IGFN1: variants seen among roughly 807,000 people sequenced by gnomAD.
The protein encoded by IGFN1 is immunoglobulin like and fibronectin type III domain containing 1.
In IGFN1, 253 loss-of-function variants were observed where a neutral mutation model predicts 289.5. That is an observed-to-expected ratio of 0.87 (90% CI 0.79 to 0.97). The LOEUF (loss-of-function observed/expected upper bound fraction) is 0.97, where lower values mean the gene tolerates loss of function less well. IGFN1 is among the 50% of genes least tolerant of loss of function. IGFN1 has a pLI of 0.00. For missense variants in IGFN1, 4,470 were observed against 4,686.1 expected, an observed-to-expected ratio of 0.95 and a Z score of 1.35; for synonymous variants, 1,706 against 1,788.5, an observed-to-expected ratio of 0.95 and a Z score of 1.16.
At chr1:201,221,207 G>A (rs1653699288) in intron 18 of IGFN1, among the ~76,000 whole-genome samples, 1 of 152,210 alleles carries the variant, frequency 6.6e-6, no homozygotes, top group South Asian at 2.1e-4. Flanking sequence ...TGAATGAGGG[G>A]AATGAGTTGA....
chr1:201,223,970 G>A (rs1161369339), intron 20 of IGFN1, among the ~76,000 whole-genome samples: 1 of 152,168 alleles, frequency 6.6e-6, no homozygotes, highest in African/African-American at 2.4e-5. Context: ...TAGTTACCAT[G>A]TCCTAGGCCT....
intron 1 of IGFN1, among the ~76,000 whole-genome samples, chr1:201,191,998 G>T (rs1044352876): frequency 6.3e-5 from 9 of 142,096 alleles, no homozygotes; most frequent in Non-Finnish European, 1.4e-4. Context: ...GGTGGGATGG[G>T]GGCCCTTGCA....
In IGFN1 at chr1:201,207,407, T is replaced by C. The variant is rs966230993; in HGVS notation, c.2514T>C (p.Ser838=). The C allele has an allele frequency of 5.2e-6, 8 of 1,534,418 alleles. No homozygotes were observed. Among genetic ancestry groups the C allele is most frequent in the African/African-American group, 2.7e-5 (2 of 72,840 alleles). Residue 838 remains serine (S), a synonymous_variant, in exon 12 of 24, where the codon AGT becomes AGC. Transcript: ENST00000335211. ...GCAGAATAGAATCTAAGGGCACAAG[T>C]CCTTGGGATGACACACCATCTAGCC... ...GIGRIESKGT[S]PWDDTPSSLR...
rs190015312 is a variant in IGFN1 at position 201,211,267 on chromosome 1, G to C, written c.6374G>C (p.Arg2125Thr). 6.5e-7 allele frequency: 1 copy of C among 1,531,896 alleles called. No individual in the cohort carries two copies. Among genetic ancestry groups the C allele is most frequent in the East Asian group, 2.5e-5 (1 of 40,512 alleles). The allele number at this position is 1,531,896 out of a possible 1,614,324, so 94.9% of individuals were successfully genotyped here. The change falls in exon 12 of 24, where the codon AGG (arginine) becomes ACG (threonine). Residue 2125 changes from arginine (R) to threonine (T), a missense_variant. Physicochemically the swap from Arg to Thr is moderately conservative, Grantham distance 71. Coordinates refer to ENST00000335211, the MANE Select transcript of IGFN1 (RefSeq NM_001164586.2). ...GIGSGSKAGF[R>T]DGLGSSTEMG... ...GGTTCAGGAAGTAAGGCAGGTTTTA[G>C]GGATGGTTTAGGGAGTTCTACAGAA...
At position 201,208,706 on chromosome 1, in the gene IGFN1, G is replaced by A; in HGVS notation, c.3813G>A (p.Arg1271=). The A allele has an allele frequency of 7.8e-6, 12 of 1,537,102 alleles. No homozygotes were observed. Among genetic ancestry groups the A allele is most frequent in the Non-Finnish European group, 1.0e-5 (12 of 1,146,838 alleles). Residue 1271 remains arginine (R), a synonymous_variant, in exon 12 of 24, where the codon AGG becomes AGA. Coordinates refer to ENST00000335211, the MANE Select transcript of IGFN1 (RefSeq NM_001164586.2). ...GMGSADGPGC[R]KGIGSSGEMG... Reference sequence around the variant, plus strand: ...GATCAGCAGATGGGCCAGGTTGTAGGAAGGGTATTGGGAGTTCTGGGGAAA... The same window carrying A: ...GATCAGCAGATGGGCCAGGTTGTAGAAAGGGTATTGGGAGTTCTGGGGAAA...
Position 201,209,008 on chromosome 1 carries a change from C to T in IGFN1, c.4115C>T (p.Ser1372Leu). 2.0e-6 allele frequency: 3 copies of T among 1,535,988 alleles called. No homozygotes were observed. In the South Asian group the frequency reaches 3.6e-5, roughly 18 times the overall value. The change falls in exon 12 of 24, where the codon TCA (serine) becomes TTA (leucine). Residue 1372 changes from serine to leucine, a missense_variant. By Grantham distance (145) the Ser-to-Leu change is moderately radical (BLOSUM62 -2). This residue lies in a region of IGFN1 where 2,011 missense variants were observed against 1,953.4 expected (regional missense o/e 1.03). Transcript: ENST00000335211. ...GGLKGSREIGSMDETDNRKDL... is the reference protein window; with the variant it reads ...GGLKGSREIGLMDETDNRKDL... ...TTAAAGGGTTCCAGGGAAATCGGGT[C>T]AATGGATGAAACAGATAATAGGAAA...
chr1:201,200,894 G>A (rs912651034), intron 8 of IGFN1, among the ~76,000 whole-genome samples: 7 of 149,312 alleles, frequency 4.7e-5, no homozygotes, highest in East Asian at 2.0e-4. Context: ...TGCTGTGGCC[G>A]GATCTTGGCT....
At position 201,215,744 on chromosome 1, in the gene IGFN1, C is replaced by T. The variant is rs1653201632; in HGVS notation, c.9201C>T (p.Leu3067=). The T allele has an allele frequency of 6.2e-6, 10 of 1,610,174 alleles. No homozygotes were observed. Among genetic ancestry groups the T allele is most frequent in the Non-Finnish European group, 8.5e-6 (10 of 1,177,958 alleles). ...GGGATGGCTACACGCGGCTGTGCCT[C>T]CCCAGCGCAGGCAGGAAGGACTGTG... ...DLGDGYTRLC[L]PSAGRKDCGQ... Residue 3067 remains leucine (L), a synonymous_variant, in exon 15 of 24, where the codon CTC becomes CTT. Coordinates refer to ENST00000335211, the MANE Select transcript of IGFN1 (RefSeq NM_001164586.2).
chr1:201,194,806 A>G (rs1268826038), intron 3 of IGFN1, among the ~76,000 whole-genome samples: 1 of 152,240 alleles, frequency 6.6e-6, no homozygotes, highest in Non-Finnish European at 1.5e-5. Flanking sequence ...TTTCCCCAAC[A>G]CACACCCTGC....
rs1397233443 is a variant in IGFN1, at chr1:201,211,155, T to G, written c.6262T>G (p.Phe2088Val). Residue 2088 changes from phenylalanine to valine, a missense_variant, in exon 12 of 24, where the codon TTC (phenylalanine) becomes GTC (valine). Phe to Val is a conservative substitution (Grantham distance 50). Coordinates refer to ENST00000335211, the MANE Select transcript of IGFN1 (RefSeq NM_001164586.2). The part of the protein sequence containing the change: ...KGMGSGSKTG[F>V]RDGLGGSEEM... ...AATGGGTTCAGGGAGTAAGACAGGT[T>G]TCAGGGATGGTTTAGGGGGTTCTGA... The G allele has an allele frequency of 1.3e-6, 2 of 1,528,306 alleles. No homozygotes were observed. Among genetic ancestry groups the G allele is most frequent in the Non-Finnish European group, 1.8e-6 (2 of 1,142,676 alleles). The allele number at this position is 1,528,306 out of a possible 1,614,324, so 94.7% of individuals were successfully genotyped here.
intron 15 of IGFN1, 99 bp downstream of exon 15, chr1:201,215,937 C>A: frequency 1.7e-6 from 2 of 1,162,250 alleles, no homozygotes; most frequent in Non-Finnish European, 2.5e-6. Context: ...TCTCTGCTGG[C>A]TCTGATCCTC....
Position 201,210,727 on chromosome 1 carries a change from G to A in IGFN1, c.5834G>A (p.Arg1945Lys), listed in dbSNP as rs1172953929. 2 of 1,533,976 alleles carry A rather than the reference G, an allele frequency of 1.3e-6. No homozygotes were observed. The highest frequency in any genetic ancestry group is 1.7e-6 in the Non-Finnish European group (2 of 1,146,050). The change falls in exon 12 of 24, where the codon AGG becomes AAG. Residue 1945 changes from arginine (R) to lysine (K), a missense_variant. Physicochemically the swap from Arg to Lys is conservative, Grantham distance 26. Around this residue, in one of 8 missense-constraint regions of IGFN1, gnomAD observed 108 missense variants for 128.7 expected, o/e 0.84. Coordinates refer to ENST00000335211, the MANE Select transcript of IGFN1 (RefSeq NM_001164586.2). ...GMGSGSKEGF[R>K]DGLGGSEEMG... ...GGTTCAGGGAGTAAGGAAGGTTTCAGGGATGGTTTAGGGGGTTCTGAAGAA... is the reference window on the plus strand; with the variant it reads ...GGTTCAGGGAGTAAGGAAGGTTTCAAGGATGGTTTAGGGGGTTCTGAAGAA...
chr1:201,211,231 C>T lies in IGFN1; in HGVS notation c.6338C>T (p.Pro2113Leu), dbSNP rs1207001683. ...EAGYRKDLGAPEGIGSGSKAG... is the reference protein window; with the variant it reads ...EAGYRKDLGALEGIGSGSKAG... ...GGTTATAGGAAGGATTTGGGGGCTC[C>T]TGAGGGAATAGGTTCAGGAAGTAAG... Residue 2113 changes from proline to leucine, a missense_variant, in exon 12 of 24, where the codon CCT (proline) becomes CTT (leucine). By Grantham distance (98) the Pro-to-Leu change is moderately conservative. This residue lies in a region of IGFN1 where 2,218 missense variants were observed against 2,114.1 expected (regional missense o/e 1.05). Transcript: ENST00000335211. The T allele has an allele frequency of 6.5e-7, 1 of 1,530,402 alleles. No individual in the cohort carries two copies. Among genetic ancestry groups the T allele is most frequent in the East Asian group, 2.5e-5 (1 of 40,488 alleles). The allele number at this position is 1,530,402 out of a possible 1,614,324, so 94.8% of individuals were successfully genotyped here.
At chr1:201,219,592 T>C (rs74723184) in intron 18 of IGFN1, among the ~76,000 whole-genome samples, 653 of 152,338 alleles carry the variant, frequency 4.3e-3, no homozygotes, top group Admixed American at 7.8e-3. Flanking sequence ...CTGCTCTGTA[T>C]TTCTCATCCC....
At chr1:201,201,631 G>A in intron 8 of IGFN1, 88 bp from the exon 9 acceptor site, 1 of 697,086 alleles carries the variant, frequency 1.4e-6, no homozygotes, top group Non-Finnish European at 2.6e-6. Flanking sequence ...CTGTGGGCCT[G>A]GGATGGTACC....
intron 21 of IGFN1, 148 bp downstream of exon 21, chr1:201,225,022 A>G: frequency 1.7e-6 from 1 of 591,752 alleles, no homozygotes; most frequent in African/African-American, 1.9e-5. Context: ...TCCATGCTTG[A>G]TGATAGAAAG....
chr1:201,226,535 T>C (rs1395515047), intron 22 of IGFN1, among the ~76,000 whole-genome samples: 1 of 152,212 alleles, frequency 6.6e-6, no homozygotes, highest in Non-Finnish European at 1.5e-5. Flanking sequence ...AGGTTTCATT[T>C]TCATAAAATA....
At chr1:201,191,166 C>A (rs113719060) in intron 1 of IGFN1, among the ~76,000 whole-genome samples, 1 of 152,166 alleles carries the variant, frequency 6.6e-6, no homozygotes, top group African/African-American at 2.4e-5. Flanking sequence ...TTTCTGGACA[C>A]GGCTTGACTT....
chr1:201,207,223 G>C lies in IGFN1; in HGVS notation c.2330G>C (p.Gly777Ala). 6.5e-7 allele frequency: 1 copy of C among 1,536,736 alleles called. No homozygotes were observed. The highest frequency in any genetic ancestry group is 8.7e-7 in the Non-Finnish European group (1 of 1,146,872). ...AGTGCCTACAAAACTGGCCCTGGAG[G>C]CCCAGGAGACCCCAGAGGCTGCGAA... ...TGSAYKTGPGGPGDPRGCEGV... is the reference protein window; with the variant it reads ...TGSAYKTGPGAPGDPRGCEGV... The change falls in exon 12 of 24, where the codon GGC becomes GCC. Residue 777 changes from glycine to alanine, a missense_variant. By Grantham distance (60) the Gly-to-Ala change is moderately conservative (BLOSUM62 0). Transcript: ENST00000335211.
Sources: allele counts gnomAD v4.1 joint callset (sites outside exome capture counted in the v4.1 genomes callset), GRCh38; gene constraint gnomAD v4.1.1; regional missense constraint gnomAD v4.1.1; transcripts MANE v1.5; gene names NCBI Gene and HGNC (gene_info 2026-07-23, HGNC 2026-07-21).